CDH13: variants seen among roughly 807,000 people sequenced by gnomAD.
The protein encoded by CDH13 is cadherin 13.
CDH13 carries 24 observed loss-of-function variants against 63.8 expected under a neutral mutation model. The ratio of observed to expected loss-of-function variants is 0.38; its 90% confidence interval spans 0.27 to 0.53. The LOEUF (loss-of-function observed/expected upper bound fraction) is 0.53. CDH13 is among the 20% of genes least tolerant of loss of function. CDH13 has a pLI of 0.85. For synonymous variants in CDH13, 503 were observed against 355.3 expected, an observed-to-expected ratio of 1.42 and a Z score of -4.67; for missense variants, 1,049 against 903.1, an observed-to-expected ratio of 1.16 and a Z score of -2.07.
rs759989510 is a variant in CDH13, at chr16:82,845,569, G to T, written c.46-12793G>T. On this transcript the variant is annotated intron_variant, in intron 1 of 13. Transcript: ENST00000567109. ...ATTCATTTACTGTTTCCCATCTTTT[G>T]TCTCTGTGGATTCAAGGTTTCTTGG... Among the ~76,000 whole-genome samples, 79 of 152,098 alleles carry T rather than the reference G, an allele frequency of 5.2e-4. 2 individuals carry two copies. The highest frequency in any genetic ancestry group is 2.0e-4 in the Admixed American group (3 of 15,258).
At chr16:83,452,169 A>G (rs1314149499) in intron 6 of CDH13, among the ~76,000 whole-genome samples, 1 of 152,192 alleles carries the variant, frequency 6.6e-6, no homozygotes, top group Non-Finnish European at 1.5e-5. Flanking sequence ...GAGAAAAGTT[A>G]TTGGAAATAT....
chr16:83,159,690 C>A (rs1255970629), intron 4 of CDH13, among the ~76,000 whole-genome samples: 3 of 152,214 alleles, frequency 2.0e-5, no homozygotes, highest in Non-Finnish European at 4.4e-5. Context: ...TTTGAACGTA[C>A]ATGGCATCCA....
chr16:82,937,234 A>T (rs1450770441), intron 2 of CDH13, among the ~76,000 whole-genome samples: 1 of 152,166 alleles, frequency 6.6e-6, no homozygotes, highest in African/African-American at 2.4e-5. Flanking sequence ...GACTCATGCT[A>T]GGTGCTAGCC....
intron 5 of CDH13, among the ~76,000 whole-genome samples, chr16:83,267,726 C>G (rs888608275): frequency 2.0e-5 from 3 of 152,198 alleles, no homozygotes; most frequent in Non-Finnish European, 4.4e-5. Flanking sequence ...GTTGTGGCCC[C>G]TCAATCTTGG....
chr16:83,745,748 C>G (rs1224966915), intron 10 of CDH13, among the ~76,000 whole-genome samples: 2 of 152,156 alleles, frequency 1.3e-5, no homozygotes, highest in African/African-American at 4.8e-5. Flanking sequence ...AAGGGCAGTT[C>G]TTCTTCTCCT....
At chr16:83,102,948 C>CTTTTTTTTTTTTTTTTTT (rs71148813) in intron 3 of CDH13, among the ~76,000 whole-genome samples, 19 of 69,028 alleles carry the variant, frequency 2.8e-4, no homozygotes, top group African/African-American at 5.6e-4. Flanking sequence ...TTTTCTTTTT[C>CTTTTTTTTTTTTTTTTTT]TTTTTTTTTT....
Position 83,781,339 on chromosome 16 carries a change from G to C in CDH13, c.1915+1138G>C, listed in dbSNP as rs1208369627. 2.0e-5 allele frequency among the ~76,000 whole-genome samples: 3 copies of C among 152,158 alleles called. No homozygotes were observed. The South Asian group carries it at 6.2e-4, about 31-fold the overall frequency. On this transcript the variant is annotated intron_variant, in intron 12 of 13. Coordinates refer to ENST00000567109, the MANE Select transcript of CDH13 (RefSeq NM_001257.5). The stretch of plus-strand genomic sequence containing the variant: ...AAGTAAAAGAAAAAAGAAAAAGAAA[G>C]ACATTAGACACTATGTCTTCAATAA...
chr16:83,035,223 C>T (rs1003869167), intron 3 of CDH13, among the ~76,000 whole-genome samples: 2 of 152,104 alleles, frequency 1.3e-5, no homozygotes, highest in African/African-American at 4.8e-5. Flanking sequence ...CCAAGTGGGC[C>T]AGCTGCTAGA....
At chr16:82,659,355 C>G (rs1020221651) in intron 1 of CDH13, among the ~76,000 whole-genome samples, 2 of 152,142 alleles carry the variant, frequency 1.3e-5, no homozygotes, top group African/African-American at 2.4e-5. Flanking sequence ...CCTGGAAAGA[C>G]GGCCTTGCCA....
At chr16:83,276,798 G>A (rs2089003561) in intron 5 of CDH13, among the ~76,000 whole-genome samples, 1 of 152,182 alleles carries the variant, frequency 6.6e-6, no homozygotes, top group Non-Finnish European at 1.5e-5. Context: ...ATGAACATGG[G>A]AGGTGGAGCC....
chr16:83,240,902 C>A (rs1281406466), intron 5 of CDH13, among the ~76,000 whole-genome samples: 1 of 151,926 alleles, frequency 6.6e-6, no homozygotes, highest in Admixed American at 6.6e-5. Flanking sequence ...AGCATTAAGT[C>A]CACTCACATT....
intron 1 of CDH13, among the ~76,000 whole-genome samples, chr16:82,671,950 A>T (rs60526992): frequency 0.024 from 3,686 of 152,268 alleles, 97 homozygotes; most frequent in African/African-American, 0.075. Context: ...GTCTTTGTTT[A>T]TGAATTCTGC....
At chr16:83,335,302 T>G (rs2090569309) in intron 5 of CDH13, among the ~76,000 whole-genome samples, 1 of 152,200 alleles carries the variant, frequency 6.6e-6, no homozygotes, top group Non-Finnish European at 1.5e-5. Flanking sequence ...CACTGTACCC[T>G]TAACAATTAC....
chr16:82,799,520 T>C (rs4277336), intron 1 of CDH13, among the ~76,000 whole-genome samples: 39,068 of 152,228 alleles, frequency 0.26, 5,937 homozygotes, highest in South Asian at 0.41. Context: ...CACATCAGTT[T>C]AGTCTTTTTT....
At chr16:82,689,727 C>T (rs1052351687) in intron 1 of CDH13, among the ~76,000 whole-genome samples, 19 of 152,014 alleles carry the variant, frequency 1.2e-4, no homozygotes, top group African/African-American at 4.6e-4. Flanking sequence ...AGTGCCAGGC[C>T]TCACATTTAC....
chr16:82,858,626 G>A, intron 2 of CDH13, 153 bp downstream of exon 2: 1 of 692,204 alleles, frequency 1.4e-6, no homozygotes, highest in Non-Finnish European at 2.6e-6. Flanking sequence ...GGAAATTCTT[G>A]AATGAGGGCC....
chr16:83,632,862 G>C (rs578128749), intron 8 of CDH13, among the ~76,000 whole-genome samples: 1 of 151,604 alleles, frequency 6.6e-6, no homozygotes, highest in Non-Finnish European at 1.5e-5. Context: ...CTAAACAAAA[G>C]GTGGATTATT....
intron 5 of CDH13, among the ~76,000 whole-genome samples, chr16:83,243,517 A>G (rs965133901): frequency 6.6e-5 from 10 of 152,154 alleles, no homozygotes; most frequent in Non-Finnish European, 4.4e-5. Flanking sequence ...TGGGAGCTAC[A>G]TTTCAAGATG....
intron 1 of CDH13, among the ~76,000 whole-genome samples, chr16:82,689,604 C>A (rs1597329807): frequency 6.6e-6 from 1 of 152,140 alleles, no homozygotes; most frequent in African/African-American, 2.4e-5. Flanking sequence ...TGGGATGTTG[C>A]TGCAAATGGC....
Sources: gnomAD v4.1 joint callset for allele counts (sites outside exome capture counted in the v4.1 genomes callset) on GRCh38, gnomAD v4.1.1 for gene constraint, MANE v1.5 for transcripts, NCBI Gene and HGNC (gene_info 2026-07-23, HGNC 2026-07-21) for gene names.